Variants in SEC61A2 observed in about 807,000 individuals in gnomAD.
SEC61A2 encodes the protein protein transport protein Sec61 subunit alpha isoform 2.
In SEC61A2, 28 loss-of-function variants were observed where a neutral mutation model predicts 59.9. The observed-to-expected ratio is 0.47, with a 90% CI of 0.35 to 0.64. The LOEUF is 0.64. Among genes scored for constraint, SEC61A2 ranks in the 30% least tolerant of loss-of-function variants. SEC61A2 has a pLI of 0.01. For synonymous variants in SEC61A2, 202 were observed against 214.4 expected (o/e 0.94, Z 0.50); for missense variants, 340 against 585.9 (o/e 0.58, Z 4.33).
chr10:12,149,681 G>A lies in SEC61A2; in HGVS notation c.307G>A (p.Gly103Arg). The change falls in exon 5 of 12, where the codon GGA (glycine) becomes AGA (arginine). Residue 103 changes from glycine (G) to arginine (R), a missense_variant. Physicochemically the swap from Gly to Arg is moderately radical, Grantham distance 125 (BLOSUM62 -2). Coordinates refer to ENST00000298428, the MANE Select transcript of SEC61A2 (RefSeq NM_018144.4). The surrounding 1 kb of genome is among the most constrained non-coding windows in gnomAD (Gnocchi z 5.2). ...AGCTGGAGCCAAAATCATTGAAGTT[G>A]GAGATACACCGAAAGATAGAGCTTT... ...LLAGAKIIEV[G>R]DTPKDRALFN... 6.2e-7 allele frequency: 1 copy of A among 1,613,988 alleles called. No homozygotes were observed. The highest frequency in any genetic ancestry group is 1.1e-5 in the South Asian group (1 of 91,034).
chr10:12,129,807 G>C lies in SEC61A2; in HGVS notation c.7+13G>C. ...GCAGCCATGGGCAGTGAGTAGCGGC[G>C]GCTGGAGCGGGGACTCTGGCTGGGA... On this transcript the variant is annotated intron_variant, in intron 1 of 11. Coordinates refer to ENST00000298428, the MANE Select transcript of SEC61A2 (RefSeq NM_018144.4). This position sits in a 1 kb window ranked among gnomAD's most constrained non-coding sequence, Gnocchi z 5.6. 7.0e-7 allele frequency: 1 copy of C among 1,424,516 alleles called. No homozygotes were observed. The highest frequency in any genetic ancestry group is 9.2e-7 in the Non-Finnish European group (1 of 1,088,450). 88.2% of individuals were successfully genotyped at this position (1,424,516 alleles called of 1,614,324 possible). A position where few individuals can be genotyped will look rare whatever the true frequency, so the allele number is the denominator to read the frequency against.
intron 3 of SEC61A2, among the ~76,000 whole-genome samples, chr10:12,137,867 A>G (rs187935915): frequency 7.1e-4 from 108 of 152,188 alleles, no homozygotes; most frequent in Non-Finnish European, 1.5e-3. Context: ...TTAGCCAGGC[A>G]TGGTGGCGTG....
intron 6 of SEC61A2, among the ~76,000 whole-genome samples, chr10:12,150,658 G>A (rs1229310534): frequency 6.6e-6 from 1 of 152,168 alleles, no homozygotes; most frequent in Non-Finnish European, 1.5e-5. Flanking sequence ...ACATGGTAAT[G>A]TCTTAGAGTC....
intron 3 of SEC61A2, among the ~76,000 whole-genome samples, chr10:12,137,681 T>G (rs1833919419): frequency 6.6e-6 from 1 of 152,150 alleles, no homozygotes; most frequent in African/African-American, 2.4e-5. Flanking sequence ...TGCCTATGTT[T>G]TAGGGTTATT....
chr10:12,163,312 CTTTTTTTTTTT>C (rs3060465), intron 11 of SEC61A2, among the ~76,000 whole-genome samples: 3 of 68,584 alleles, frequency 4.4e-5, no homozygotes, highest in Non-Finnish European at 7.7e-5. Flanking sequence ...GGCCAGCTAG[CTTTTTTTTTTT>C]TTTTTTTTTT....
rs1267184171 is a variant in SEC61A2 at position 12,143,718 on chromosome 10, G to A, written c.220+523G>A. Among the ~76,000 whole-genome samples, 1 of 151,950 alleles carries A rather than the reference G, an allele frequency of 6.6e-6. No individual in the cohort carries two copies. Among genetic ancestry groups the A allele is most frequent in the Non-Finnish European group, 1.5e-5 (1 of 67,972 alleles). ...ACTGCAATCCAGCCTGGGTAACAGAGTAAGACTCTGCCTCCAAAAAAAAAG... is the reference window on the plus strand; with the variant it reads ...ACTGCAATCCAGCCTGGGTAACAGAATAAGACTCTGCCTCCAAAAAAAAAG... On this transcript the variant is annotated intron_variant, in intron 4 of 11. Transcript: ENST00000298428. This position sits in a 1 kb window ranked among gnomAD's most constrained non-coding sequence, Gnocchi z 4.8.
chr10:12,156,032 T>C lies in SEC61A2; in HGVS notation c.616+101T>C. ...CATGCCTAGAGCCGTTCTGGTTTGC[T>C]CTCCTAGGGGATAAGGAATGCGAAT... On this transcript the variant is annotated intron_variant, in intron 7 of 11. Transcript: ENST00000298428. The surrounding 1 kb of genome is among the most constrained non-coding windows in gnomAD (Gnocchi z 5.2). 3.2e-6 allele frequency: 4 copies of C among 1,236,572 alleles called. No individual in the cohort carries two copies. The highest frequency in any genetic ancestry group is 3.5e-6 in the Non-Finnish European group (3 of 855,676). The allele number at this position is 1,236,572 out of a possible 1,614,324, so 76.6% of individuals were successfully genotyped here.
chr10:12,162,406 T>G lies in SEC61A2; in HGVS notation c.1244+117T>G. ...TTTAAAACCCTTCTATTCACACAGA[T>G]GAATCAAAATTTCACACAAAACTTG... On this transcript the variant is annotated intron_variant, in intron 11 of 11. Transcript: ENST00000298428. This position sits in a 1 kb window ranked among gnomAD's most constrained non-coding sequence, Gnocchi z 6.1. 1 of 926,188 alleles carries G rather than the reference T, an allele frequency of 1.1e-6. No individual in the cohort carries two copies. 57.4% of individuals were successfully genotyped at this position (926,188 alleles called of 1,614,324 possible). A position where few individuals can be genotyped will look rare whatever the true frequency, so the allele number is the denominator to read the frequency against.
downstream of SEC61A2, chr10:12,169,492 C>T (rs956808098): frequency 7.3e-6 from 4 of 551,260 alleles, no homozygotes; most frequent in South Asian, 2.5e-5. The surrounding 1 kb of genome is among the most constrained non-coding windows in gnomAD (Gnocchi z 4.8). Flanking sequence ...AGCCTCAAAC[C>T]GAGTCGGGCC....
Position 12,143,233 on chromosome 10 carries a change from A to G in SEC61A2, c.220+38A>G. ...TTTCTGTCTCCACACTCCTACTCACAGCAAACAGATGGAAACATGTGGATT... is the reference window on the plus strand; with the variant it reads ...TTTCTGTCTCCACACTCCTACTCACGGCAAACAGATGGAAACATGTGGATT... On this transcript the variant is annotated intron_variant, in intron 4 of 11. Coordinates refer to ENST00000298428, the MANE Select transcript of SEC61A2 (RefSeq NM_018144.4). This position sits in a 1 kb window ranked among gnomAD's most constrained non-coding sequence, Gnocchi z 4.8. 1 of 1,380,200 alleles carries G rather than the reference A, an allele frequency of 7.2e-7. No individual in the cohort carries two copies. Among genetic ancestry groups the G allele is most frequent in the Non-Finnish European group, 1.0e-6 (1 of 966,776 alleles). The allele number at this position is 1,380,200 out of a possible 1,614,324, so 85.5% of individuals were successfully genotyped here.
At chr10:12,130,301 T>C (rs939512336) in intron 1 of SEC61A2, among the ~76,000 whole-genome samples, 1 of 152,132 alleles carries the variant, frequency 6.6e-6, no homozygotes, top group Admixed American at 6.6e-5. Flanking sequence ...TACTGAAAAC[T>C]GTAAGGTTTT....
chr10:12,137,451 C>T (rs369822352), intron 3 of SEC61A2, among the ~76,000 whole-genome samples: 170 of 151,222 alleles, frequency 1.1e-3, no homozygotes, highest in Middle Eastern at 0.01. Flanking sequence ...ACTACAGGCA[C>T]GAGCCACTAC....
chr10:12,157,017 A>T lies in SEC61A2; in HGVS notation c.727A>T (p.Met243Leu). Residue 243 changes from methionine to leucine, a missense_variant, in exon 8 of 12, where the codon ATG becomes TTG. Met to Leu is a conservative substitution (Grantham distance 15). Around this residue, in one of 3 missense-constraint regions of SEC61A2, gnomAD observed 283 missense variants for 483.2 expected, o/e 0.59. Transcript: ENST00000298428. ...TTATCGGCAGAACTTACCCAATCTC[A>T]TGAACCTCATTGCTACAGTTTTTGT... ...AFYRQNLPNL[M>L]NLIATVFVFA... 6.2e-7 allele frequency: 1 copy of T among 1,613,334 alleles called. No homozygotes were observed. The highest frequency in any genetic ancestry group is 8.5e-7 in the Non-Finnish European group (1 of 1,179,242).
At position 12,162,027 on chromosome 10, in the gene SEC61A2, T is replaced by C. The variant is rs905668323; in HGVS notation, c.1168-186T>C. 1.3e-5 allele frequency among the ~76,000 whole-genome samples: 2 copies of C among 152,182 alleles called. No individual in the cohort carries two copies. Among genetic ancestry groups the C allele is most frequent in the Non-Finnish European group, 2.9e-5 (2 of 68,032 alleles). ...TTGAGAAGCACCGGTTTCATATGGG[T>C]AACATGGAGCGGAGGAGCACTGAAG... is the stretch of plus-strand genomic sequence containing the variant. On this transcript the variant is annotated intron_variant, in intron 10 of 11. Coordinates refer to ENST00000298428, the MANE Select transcript of SEC61A2 (RefSeq NM_018144.4). The surrounding 1 kb of genome is among the most constrained non-coding windows in gnomAD (Gnocchi z 6.1).
chr10:12,137,584 C>G (rs890899187), intron 3 of SEC61A2, among the ~76,000 whole-genome samples: 2 of 152,198 alleles, frequency 1.3e-5, no homozygotes, highest in African/African-American at 2.4e-5. Context: ...GGATTACATG[C>G]CTGAGCCACC....
rs1289601920 is a variant in SEC61A2 at position 12,161,126 on chromosome 10, G to C, written c.1167+5G>C. 4 of 1,595,772 alleles carry C rather than the reference G, an allele frequency of 2.5e-6. No individual in the cohort carries two copies. In the African/African-American group the frequency reaches 5.4e-5, roughly 22 times the overall value. On this transcript the variant is annotated splice_donor_5th_base_variant and intron_variant, in intron 10 of 11. Coordinates refer to ENST00000298428, the MANE Select transcript of SEC61A2 (RefSeq NM_018144.4). The surrounding 1 kb of genome is among the most constrained non-coding windows in gnomAD (Gnocchi z 5.4). ...TCTGGTTCCTCAGCCAAAGATGTAA[G>C]TGTTTGGTTTATTTTAAAATAAAAC...
rs1326437414 is a variant in SEC61A2 at position 12,157,890 on chromosome 10, C to T, written c.778-18C>T. 6.2e-7 allele frequency: 1 copy of T among 1,613,210 alleles called. No individual in the cohort carries two copies. Among genetic ancestry groups the T allele is most frequent in the Non-Finnish European group, 8.5e-7 (1 of 1,179,234 alleles). On this transcript the variant is annotated intron_variant, in intron 8 of 11. Coordinates refer to ENST00000298428, the MANE Select transcript of SEC61A2 (RefSeq NM_018144.4). ...AATGTGTCTGGCTCCCCCACTTACT[C>T]TCCGTTTCCTTTTTTAGGGATTTCG... is the stretch of plus-strand genomic sequence containing the variant.
rs1045478950 is a variant in SEC61A2, at chr10:12,155,512, G to A, written c.463-266G>A. 2.9e-6 allele frequency: 2 copies of A among 690,478 alleles called. No individual in the cohort carries two copies. The highest frequency in any genetic ancestry group is 2.2e-5 in the South Asian group (1 of 46,492). 42.8% of individuals were successfully genotyped at this position (690,478 alleles called of 1,614,324 possible). ...CAGGCTTTATTTAAACATTGCAAAAGAAACTATTCAGATAAGTGTAAATAG... is the reference window on the plus strand; with the variant it reads ...CAGGCTTTATTTAAACATTGCAAAAAAAACTATTCAGATAAGTGTAAATAG... On this transcript the variant is annotated intron_variant, in intron 6 of 11. Transcript: ENST00000298428. This position sits in a 1 kb window ranked among gnomAD's most constrained non-coding sequence, Gnocchi z 4.3.
intron 4 of SEC61A2, among the ~76,000 whole-genome samples, chr10:12,147,230 G>A (rs1169897305): frequency 2.6e-5 from 4 of 152,080 alleles, no homozygotes; most frequent in African/African-American, 9.7e-5. Context: ...CTTTTGCCAC[G>A]TGGAAGTTTT....
Sources: allele counts gnomAD v4.1 joint callset (sites outside exome capture counted in the v4.1 genomes callset), GRCh38; gene constraint gnomAD v4.1.1; regional missense constraint gnomAD v4.1.1; non-coding constraint Gnocchi (gnomAD v3.1); transcripts MANE v1.5; gene names NCBI Gene and HGNC (gene_info 2026-07-23, HGNC 2026-07-21).